MRE11: variants seen among roughly 807,000 people sequenced by gnomAD.
The protein encoded by MRE11 is MRE11 double strand break repair nuclease, also known as double-strand break repair protein MRE11.
Under a neutral mutation model 91.7 loss-of-function variants are expected in MRE11, and 62 were observed. That is an observed-to-expected ratio of 0.68 (90% confidence interval 0.55 to 0.84). The LOEUF (loss-of-function observed/expected upper bound fraction) is 0.84. MRE11 is among the 40% of genes least tolerant of loss of function. The pLI, the probability that MRE11 is intolerant of heterozygous loss-of-function variation, is 0.00. For missense variants in MRE11, 796 were observed against 852.9 expected (o/e 0.93, Z 0.83); for synonymous variants, 273 against 271.4 (o/e 1.01, Z -0.06).
upstream of MRE11, chr11:94,498,743 A>AT (rs1048011138): frequency 7.7e-5 from 44 of 568,152 alleles, no homozygotes; most frequent in South Asian, 6.4e-4. Flanking sequence ...GGAGTTTGTG[A>AT]TTTTTTTATC....
At chr11:94,509,002 C>T in the MRE11 span, among the ~76,000 whole-genome samples, 3 of 152,058 alleles carry the variant, frequency 2.0e-5, no homozygotes, top group African/African-American at 4.8e-5. Context: ...CCTCGTGATC[C>T]GCCCTCCTCA....
rs1945988203 is a variant in MRE11, at chr11:94,448,008, G to A, written c.1564-570C>T. 5.9e-5 allele frequency among the ~76,000 whole-genome samples: 9 copies of A among 152,048 alleles called. No individual in the cohort carries two copies. In the South Asian group the frequency reaches 1.9e-3, roughly 32 times the overall value. On this transcript the variant is annotated intron_variant, in intron 14 of 19. Transcript: ENST00000323929. ...AAATTTTACAGAATCAAAATTTTCA[G>A]AACTAGAAGGAATACTGGCAATCAT... is the stretch of plus-strand genomic sequence containing the variant.
At chr11:94,432,095 A>G in intron 18 of MRE11, among the ~76,000 whole-genome samples, 1 of 152,180 alleles carries the variant, frequency 6.6e-6, no homozygotes. Flanking sequence ...ATAATCTTCC[A>G]ATAAATCTCC....
chr11:94,491,015 G>T (rs1247112068), intron 2 of MRE11, 50 bp from the exon 3 acceptor site: 1 of 1,099,156 alleles, frequency 9.1e-7, no homozygotes, highest in Non-Finnish European at 1.3e-6. Context: ...TTCATTAAAG[G>T]ATATTCAAAC....
chr11:94,509,953 ATCT>A, the MRE11 span, among the ~76,000 whole-genome samples: 22 of 152,250 alleles, frequency 1.4e-4, no homozygotes, highest in Admixed American at 3.9e-4. Flanking sequence ...ATCTGAATTG[ATCT>A]TCTTGAGAGA....
At chr11:94,462,750 C>T (rs955210869) in intron 11 of MRE11, among the ~76,000 whole-genome samples, 1 of 152,126 alleles carries the variant, frequency 6.6e-6, no homozygotes, top group Non-Finnish European at 1.5e-5. Flanking sequence ...AAACTGGATC[C>T]CTTCCTTACA....
In MRE11 at chr11:94,458,239, G is replaced by C. The variant is rs185482490; in HGVS notation, c.1500+1169C>G. On this transcript the variant is annotated intron_variant, in intron 13 of 19. Coordinates refer to ENST00000323929, the MANE Select transcript of MRE11 (RefSeq NM_005591.4). ...GTTCTTCTGCTTAGGGAGAATCTGG[G>C]AAATAGAGAAAGTGATCCCCTGTAA... is the stretch of plus-strand genomic sequence containing the variant. Among the ~76,000 whole-genome samples the C allele has an allele frequency of 2.0e-5, 3 of 151,304 alleles. No homozygotes were observed. The East Asian group carries it at 5.8e-4, about 29-fold the overall frequency.
chr11:94,476,490 T>TCA, intron 6 of MRE11, 87 bp from the exon 7 acceptor site: 1 of 836,600 alleles, frequency 1.2e-6, no homozygotes, highest in Admixed American at 2.0e-5. Context: ...TATGTCCTTC[T>TCA]CAAAGTATTT....
chr11:94,497,254 T>G (rs1442869328), upstream of MRE11: 1 of 513,816 alleles, frequency 1.9e-6, no homozygotes, highest in East Asian at 2.9e-5. Flanking sequence ...AAAAACTAAC[T>G]ATACCAGGTA....
chr11:94,504,700 G>C, the MRE11 span, among the ~76,000 whole-genome samples: 4 of 152,186 alleles, frequency 2.6e-5, no homozygotes, highest in African/African-American at 9.6e-5. Flanking sequence ...TTTGCTATAA[G>C]ACAAACTGAG....
intron 3 of MRE11, among the ~76,000 whole-genome samples, chr11:94,490,481 C>G (rs932361637): frequency 6.6e-6 from 1 of 152,226 alleles, no homozygotes; most frequent in African/African-American, 2.4e-5. Flanking sequence ...TACAACCTTG[C>G]ATCTGTGGAT....
rs200929252 is a variant in MRE11, at chr11:94,486,117, T to C, written c.154-33A>G. 9.2e-4 allele frequency: 1,482 copies of C among 1,610,664 alleles called. 1 individual carries two copies. Among genetic ancestry groups the C allele is most frequent in the Non-Finnish European group, 1.1e-3 (1,318 of 1,178,236 alleles). On this transcript the variant is annotated intron_variant, in intron 3 of 19. Transcript: ENST00000323929. The stretch of plus-strand genomic sequence containing the variant: ...ACAGAAAAAGGTGTTAAAATTAGTA[T>C]GTTTTACAGGTAAAATTTTTGTAAA...
chr11:94,474,396 T>G (rs142344701), intron 7 of MRE11, among the ~76,000 whole-genome samples: 1 of 151,984 alleles, frequency 6.6e-6, no homozygotes, highest in Non-Finnish European at 1.5e-5. Flanking sequence ...AGAGGAACAG[T>G]AGCAACCAAA....
chr11:94,480,943 A>C (rs1946996242), intron 4 of MRE11, among the ~76,000 whole-genome samples: 1 of 152,232 alleles, frequency 6.6e-6, no homozygotes, highest in Non-Finnish European at 1.5e-5. Flanking sequence ...TCACAGACCT[A>C]TGCCAACCTT....
Position 94,420,805 on chromosome 11 carries a change from G to A in MRE11, c.2071-624C>T, listed in dbSNP as rs7940741. On this transcript the variant is annotated intron_variant, in intron 19 of 19. Coordinates refer to ENST00000323929, the MANE Select transcript of MRE11 (RefSeq NM_005591.4). Reference sequence around the variant, plus strand: ...CCCAGCACTTTGGAAGGCCGAGGCGGGTGGATCACGAGGTCAGGAGATCGA... The same window carrying A: ...CCCAGCACTTTGGAAGGCCGAGGCGAGTGGATCACGAGGTCAGGAGATCGA... 1.9e-3 allele frequency among the ~76,000 whole-genome samples: 296 copies of A among 152,308 alleles called. 3 individuals carry two copies. The highest frequency in any genetic ancestry group is 7.0e-3 in the African/African-American group (292 of 41,558).
chr11:94,494,234 C>T (rs1947375058), upstream of MRE11: 2 of 152,258 alleles, frequency 1.3e-5, no homozygotes, highest in Admixed American at 1.3e-4. Context: ...GCTCACGGGC[C>T]TGTGAGCTCC....
chr11:94,463,992 T>C (rs187886738), intron 11 of MRE11, 121 bp downstream of exon 11: 7 of 1,084,228 alleles, frequency 6.5e-6, no homozygotes, highest in African/African-American at 1.6e-5. Flanking sequence ...CACTGTCAAT[T>C]TGTTTAAGAC....
chr11:94,475,416 C>G (rs1460099580), intron 7 of MRE11: 2 of 339,574 alleles, frequency 5.9e-6, no homozygotes, highest in African/African-American at 4.3e-5. Flanking sequence ...ACCGAACACC[C>G]CCCGTGGATA....
chr11:94,437,699 G>A (rs957053479), intron 16 of MRE11, among the ~76,000 whole-genome samples: 3 of 152,172 alleles, frequency 2.0e-5, no homozygotes, highest in Non-Finnish European at 4.4e-5. Context: ...ATATTCCAGA[G>A]GAGAATTCTA....
Sources: gnomAD v4.1 joint callset for allele counts (sites outside exome capture counted in the v4.1 genomes callset) on GRCh38, gnomAD v4.1.1 for gene constraint, MANE v1.5 for transcripts, NCBI Gene and HGNC (gene_info 2026-07-23, HGNC 2026-07-21) for gene names.